Variants in SIK2 observed in about 807,000 individuals in gnomAD.
The protein encoded by SIK2 is serine/threonine-protein kinase SIK2.
SIK2 carries 29 observed loss-of-function variants against 103.2 expected under a neutral mutation model. That is an observed-to-expected ratio of 0.28 (90% CI 0.21 to 0.38). The LOEUF (loss-of-function observed/expected upper bound fraction) is 0.38, where lower values mean the gene tolerates loss of function less well. Among genes scored for constraint, SIK2 ranks in the 10% least tolerant of loss-of-function variants. The pLI is 1.00. For missense variants in SIK2, 879 were observed against 1,171.0 expected (o/e 0.75, Z 3.64); for synonymous variants, 412 against 446.1 (o/e 0.92, Z 0.96).
rs45581731 is a variant in SIK2 at position 111,627,926 on chromosome 11, G to A, written c.316+7524G>A. On this transcript the variant is annotated intron_variant, in intron 3 of 14. Transcript: ENST00000304987. ...TTCAACACTTCATGTCTTAATTAGC[G>A]AATCCTTCATGTTTTACCATTCTCT... 8.2e-3 allele frequency among the ~76,000 whole-genome samples: 1,241 copies of A among 152,168 alleles called. 11 individuals carry two copies. The highest frequency in any genetic ancestry group is 0.014 in the Non-Finnish European group (951 of 67,992).
At chr11:111,689,065 C>T (rs986534217) in intron 4 of SIK2, among the ~76,000 whole-genome samples, 1 of 152,068 alleles carries the variant, frequency 6.6e-6, no homozygotes, top group African/African-American at 2.4e-5. Context: ...AGAAGCTTGT[C>T]AGGAAGATAA....
chr11:111,727,182 G>T lies in SIK2; in HGVS notation c.*3053G>T. 1.3e-6 allele frequency: 1 copy of T among 770,410 alleles called. No homozygotes were observed. The highest frequency in any genetic ancestry group is 2.2e-6 in the Non-Finnish European group (1 of 454,014). The allele number at this position is 770,410 out of a possible 1,614,324, so 47.7% of individuals were successfully genotyped here. ...CCTGCACTGCCTTCTGTCACCGTGGGAAAAGGAGGCTGATGGTTCTCTACA... is the reference window on the plus strand; with the variant it reads ...CCTGCACTGCCTTCTGTCACCGTGGTAAAAGGAGGCTGATGGTTCTCTACA... On this transcript the variant is annotated 3_prime_UTR_variant, in exon 15 of 15. Transcript: ENST00000304987.
At chr11:111,681,250 A>G (rs542909407) in intron 3 of SIK2, among the ~76,000 whole-genome samples, 2 of 152,350 alleles carry the variant, frequency 1.3e-5, no homozygotes, top group Non-Finnish European at 2.9e-5. Context: ...TAAATTGTAT[A>G]TGTGCATGTG....
Position 111,723,556 on chromosome 11 carries a change from G to A in SIK2, c.2208G>A (p.Gln736=). Residue 736 remains glutamine, a synonymous_variant, in exon 15 of 15, where the codon CAG becomes CAA. Transcript: ENST00000304987. ...CTCAACTGCAGGCCTATTTTAATCA[G>A]ATGCAGATAGCAGAGAGCTCCTACC... is the stretch of plus-strand genomic sequence containing the variant. The part of the protein sequence containing the change: ...KQSQLQAYFN[Q]MQIAESSYPQ... 1 of 1,614,188 alleles carries A rather than the reference G, an allele frequency of 6.2e-7. No homozygotes were observed. The highest frequency in any genetic ancestry group is 8.5e-7 in the Non-Finnish European group (1 of 1,180,026).
chr11:111,705,386 G>C lies in SIK2; in HGVS notation c.1101+247G>C, dbSNP rs1465048799. 2.0e-5 allele frequency among the ~76,000 whole-genome samples: 3 copies of C among 152,072 alleles called. No homozygotes were observed. The East Asian group carries it at 5.8e-4, about 29-fold the overall frequency. On this transcript the variant is annotated intron_variant, in intron 8 of 14. Transcript: ENST00000304987. This position sits in a 1 kb window ranked among gnomAD's most constrained non-coding sequence, Gnocchi z 4.3. ...ACAATGTTGAGAATTACTATCACTA[G>C]CCTTTACATTCAATTCCATTTAACA...
chr11:111,641,863 C>T (rs548790890), intron 3 of SIK2, among the ~76,000 whole-genome samples: 12 of 152,110 alleles, frequency 7.9e-5, no homozygotes, highest in Non-Finnish European at 1.6e-4. Context: ...CCCAGCTCAG[C>T]CATTATTTAA....
chr11:111,720,526 C>CT lies in SIK2; in HGVS notation c.1545dup (p.Glu516Ter), dbSNP rs1330975030. ...AGCCCCTCCCTTGACAGTGTGGACTCTGAGTATGATATGGGGTCTGTTCAG... is the reference window on the plus strand; with the variant it reads ...AGCCCCTCCCTTGACAGTGTGGACTCTTGAGTATGATATGGGGTCTGTTCAG... On this transcript the variant is annotated frameshift_variant, in exon 11 of 15. Transcript: ENST00000304987. LOFTEE classifies it high-confidence loss of function. 1.2e-6 allele frequency: 2 copies of CT among 1,613,394 alleles called. No homozygotes were observed. Among genetic ancestry groups the CT allele is most frequent in the Admixed American group, 1.7e-5 (1 of 59,860 alleles).
Position 111,727,357 on chromosome 11 carries a change from C to A in SIK2, c.*3228C>A. 2.3e-6 allele frequency: 1 copy of A among 440,728 alleles called. No homozygotes were observed. Among genetic ancestry groups the A allele is most frequent in the Non-Finnish European group, 4.1e-6 (1 of 244,054 alleles). The allele number at this position is 440,728 out of a possible 1,614,324, so 27.3% of individuals were successfully genotyped here. A position where few individuals can be genotyped will look rare whatever the true frequency, so the allele number is the denominator to read the frequency against. On this transcript the variant is annotated 3_prime_UTR_variant, in exon 15 of 15. Transcript: ENST00000304987. ...CCTAGGAAAGAAAAAGTCAGTGGCC[C>A]TTTCTTCCTCAGATATCAAGAACTC...
chr11:111,641,645 A>G (rs888717494), intron 3 of SIK2, among the ~76,000 whole-genome samples: 1 of 151,998 alleles, frequency 6.6e-6, no homozygotes, highest in African/African-American at 2.4e-5. Context: ...TTGCCTCTTT[A>G]TTTCCCTTAT....
At chr11:111,675,161 T>TTTA (rs981463012) in intron 3 of SIK2, among the ~76,000 whole-genome samples, 1 of 152,164 alleles carries the variant, frequency 6.6e-6, no homozygotes, top group African/African-American at 2.4e-5. Flanking sequence ...GGCTATATAA[T>TTTA]TGGGTTCAGA....
chr11:111,639,823 A>C (rs898458015), intron 3 of SIK2, among the ~76,000 whole-genome samples: 5 of 152,154 alleles, frequency 3.3e-5, no homozygotes, highest in Non-Finnish European at 5.9e-5. Context: ...AAAGTAGAGG[A>C]GTGTGTAGAA....
chr11:111,627,266 C>T (rs1205933553), intron 3 of SIK2, among the ~76,000 whole-genome samples: 1 of 152,050 alleles, frequency 6.6e-6, no homozygotes, highest in African/African-American at 2.4e-5. Flanking sequence ...AAAATATGTA[C>T]ATTAGTCCCC....
intron 3 of SIK2, among the ~76,000 whole-genome samples, chr11:111,684,487 A>G (rs1942818848): frequency 6.6e-6 from 1 of 152,220 alleles, no homozygotes; most frequent in African/African-American, 2.4e-5. Context: ...TTGTCCATGA[A>G]AAAATGGTCT....
chr11:111,633,889 A>G (rs992752179), intron 3 of SIK2, among the ~76,000 whole-genome samples: 1 of 152,218 alleles, frequency 6.6e-6, no homozygotes, highest in Non-Finnish European at 1.5e-5. Flanking sequence ...TGAGTACAAT[A>G]AGGCCTTAAC....
intron 1 of SIK2, among the ~76,000 whole-genome samples, chr11:111,603,617 A>G (rs1282622085): frequency 6.6e-6 from 1 of 151,750 alleles, no homozygotes; most frequent in Non-Finnish European, 1.5e-5. Flanking sequence ...CCTTCCTTCC[A>G]CTGCCTCAAG....
At chr11:111,683,124 A>C (rs1047928519) in intron 3 of SIK2, 1 of 152,918 alleles carries the variant, frequency 6.5e-6, no homozygotes, top group African/African-American at 2.4e-5. Context: ...TATGAGAGCT[A>C]TCTGGCTGTG....
chr11:111,704,590 T>C (rs914292328), intron 7 of SIK2, among the ~76,000 whole-genome samples: 4 of 152,218 alleles, frequency 2.6e-5, no homozygotes, highest in African/African-American at 9.6e-5. Flanking sequence ...TTCAGATTTG[T>C]GTTGAAGCCA....
chr11:111,634,980 T>A (rs944648201), intron 3 of SIK2, among the ~76,000 whole-genome samples: 2 of 152,242 alleles, frequency 1.3e-5, no homozygotes, highest in African/African-American at 4.8e-5. Context: ...GGCTGTAAGA[T>A]GTAGGATCTT....
At position 111,727,379 on chromosome 11, in the gene SIK2, A is replaced by C; in HGVS notation, c.*3250A>C. ...GCCCTTTCTTCCTCAGATATCAAGA[A>C]CTCCCAAGTGTTTAAACCGTATGCT... On this transcript the variant is annotated 3_prime_UTR_variant, in exon 15 of 15. Transcript: ENST00000304987. 3 of 382,726 alleles carry C rather than the reference A, an allele frequency of 7.8e-6. No homozygotes were observed. Among genetic ancestry groups the C allele is most frequent in the Non-Finnish European group, 9.6e-6 (2 of 208,422 alleles). The allele number at this position is 382,726 out of a possible 1,614,324, so 23.7% of individuals were successfully genotyped here.
Sources: allele counts gnomAD v4.1 joint callset (sites outside exome capture counted in the v4.1 genomes callset), GRCh38; gene constraint gnomAD v4.1.1; non-coding constraint Gnocchi (gnomAD v3.1); transcripts MANE v1.5; gene names NCBI Gene and HGNC (gene_info 2026-07-23, HGNC 2026-07-21).